The following TENM2 variants were observed in gnomAD, a reference collection of about 807,000 sequenced individuals.
TENM2 encodes teneurin-2.
TENM2 carries 52 observed loss-of-function variants against 245.2 expected under a neutral mutation model. That is an observed-to-expected ratio of 0.21 (90% CI 0.17 to 0.27). The LOEUF is 0.27. Ranked by LOEUF, TENM2 falls within the 10% of genes least tolerant of loss-of-function variation. The pLI is 1.00. For missense variants in TENM2, 3,046 were observed against 3,666.8 expected (o/e 0.83, Z 4.37); for synonymous variants, 1,363 against 1,438.9 (o/e 0.95, Z 1.19).
At chr5:167,978,803 C>T (rs1327325188) in intron 4 of TENM2, among the ~76,000 whole-genome samples, 3 of 152,010 alleles carry the variant, frequency 2.0e-5, no homozygotes, top group Non-Finnish European at 4.4e-5. Flanking sequence ...TGAATTTTAC[C>T]TCAACTTTTA....
At chr5:167,660,209 T>A (rs1286636008) in intron 2 of TENM2, 1 of 152,382 alleles carries the variant, frequency 6.6e-6, no homozygotes, top group Non-Finnish European at 1.5e-5. Context: ...AAGCCTGTAA[T>A]CTCAGCACTT....
intron 4 of TENM2, among the ~76,000 whole-genome samples, chr5:167,957,192 T>G (rs1453604288): frequency 1.3e-5 from 2 of 152,126 alleles, no homozygotes; most frequent in South Asian, 2.1e-4. Context: ...TTCTTCCTGG[T>G]TTAGTCTTGA....
At chr5:167,362,699 T>C (rs1218479992) in intron 1 of TENM2, among the ~76,000 whole-genome samples, 1 of 152,202 alleles carries the variant, frequency 6.6e-6, no homozygotes, top group Non-Finnish European at 1.5e-5. Context: ...TGTATTTTTA[T>C]GGAAAAGTAA....
intron 2 of TENM2, among the ~76,000 whole-genome samples, chr5:167,681,619 ATTTG>A (rs954380909): frequency 8.5e-6 from 1 of 117,704 alleles, no homozygotes; most frequent in African/African-American, 4.0e-5. Flanking sequence ...CTAGCTATGT[ATTTG>A]TTTATATATA....
chr5:167,645,917 T>C (rs1779898046), intron 2 of TENM2, among the ~76,000 whole-genome samples: 1 of 151,610 alleles, frequency 6.6e-6, no homozygotes, highest in African/African-American at 2.4e-5. Context: ...TGGGCTTGAG[T>C]GTCTATTACT....
At chr5:168,115,438 G>A (rs1017729431) in intron 9 of TENM2, among the ~76,000 whole-genome samples, 12 of 142,196 alleles carry the variant, frequency 8.4e-5, no homozygotes, top group South Asian at 2.2e-4. Flanking sequence ...GAAAAAAAAA[G>A]AAAAAAATTT....
intron 2 of TENM2, among the ~76,000 whole-genome samples, chr5:167,815,420 A>G (rs1248643182): frequency 6.6e-6 from 1 of 152,176 alleles, no homozygotes; most frequent in East Asian, 1.9e-4. Flanking sequence ...AAGTGAACCA[A>G]GCACCATTAT....
intron 1 of TENM2, among the ~76,000 whole-genome samples, chr5:167,345,669 C>T (rs1055036472): frequency 2.0e-5 from 3 of 152,110 alleles, no homozygotes; most frequent in Non-Finnish European, 4.4e-5. Context: ...AAGTCATTCA[C>T]ATAGGCCCCA....
intron 2 of TENM2, among the ~76,000 whole-genome samples, chr5:167,396,984 C>A (rs894593137): frequency 2.0e-5 from 3 of 152,012 alleles, no homozygotes; most frequent in Admixed American, 2.0e-4. Context: ...GAGAAATATC[C>A]CCAATCTATT....
At chr5:167,423,091 A>AT (rs11463489) in intron 2 of TENM2, among the ~76,000 whole-genome samples, 25,986 of 149,890 alleles carry the variant, frequency 0.17, 2,345 homozygotes, top group Middle Eastern at 0.25. Flanking sequence ...CCGTACCTTC[A>AT]TTTTTTTTTT....
chr5:168,097,895 C>T, intron 8 of TENM2, 131 bp from the exon 11 acceptor site: 1 of 658,056 alleles, frequency 1.5e-6, no homozygotes, highest in South Asian at 1.8e-5. Context: ...ATTCATATTG[C>T]TGACCGATCC....
intron 2 of TENM2, among the ~76,000 whole-genome samples, chr5:167,484,142 C>G (rs1417836753): frequency 6.6e-6 from 1 of 152,072 alleles, no homozygotes; most frequent in Non-Finnish European, 1.5e-5. Context: ...GTCAAGAGTT[C>G]GAGACCAGCC....
At chr5:167,941,297 T>C (rs1049751955) in intron 3 of TENM2, among the ~76,000 whole-genome samples, 4 of 152,216 alleles carry the variant, frequency 2.6e-5, no homozygotes, top group African/African-American at 9.6e-5. Context: ...ACAGGTCTTC[T>C]TGTGCTAATT....
At chr5:167,618,162 A>G (rs1277695805) in intron 2 of TENM2, among the ~76,000 whole-genome samples, 2 of 152,154 alleles carry the variant, frequency 1.3e-5, no homozygotes, top group Non-Finnish European at 2.9e-5. Context: ...TTATCGAGTG[A>G]TTAGTATTCT....
At chr5:167,881,900 C>T (rs1439346746) in intron 3 of TENM2, among the ~76,000 whole-genome samples, 1 of 152,168 alleles carries the variant, frequency 6.6e-6, no homozygotes, top group Non-Finnish European at 1.5e-5. Context: ...ACATGACTTT[C>T]TTCATGTACT....
intron 1 of TENM2, chr5:167,287,338 A>C (rs1754344667): frequency 6.6e-6 from 1 of 152,180 alleles, no homozygotes; most frequent in Non-Finnish European, 1.5e-5. Context: ...TGCATTTCCC[A>C]TTTTATTTTC....
At chr5:167,861,677 C>G (rs1771824019) in intron 2 of TENM2, among the ~76,000 whole-genome samples, 1 of 152,184 alleles carries the variant, frequency 6.6e-6, no homozygotes, top group Non-Finnish European at 1.5e-5. Flanking sequence ...CAGCTCAACA[C>G]TGTAATTTTA....
exon 25 of TENM2, chr5:168,227,895 A>G: frequency 1.9e-6 from 3 of 1,585,282 alleles, no homozygotes; most frequent in Non-Finnish European, 2.6e-6. Context: ...ATTTTTCCAG[A>G]TCAAGTTCGG....
chr5:168,262,278 C>T (rs1344419465), exon 29 of TENM2: 5 of 1,608,658 alleles, frequency 3.1e-6, no homozygotes, highest in Non-Finnish European at 3.4e-6. Context: ...AAGGTGGCAT[C>T]TGTGCTGAAC....
Sources: gnomAD v4.1 joint callset for allele counts (sites outside exome capture counted in the v4.1 genomes callset) on GRCh38, gnomAD v4.1.1 for gene constraint, MANE v1.5 for transcripts, NCBI Gene and HGNC (gene_info 2026-07-23, HGNC 2026-07-21) for gene names.